Variants in EGFR observed in about 807,000 individuals in gnomAD.
EGFR encodes avian erythroblastic leukemia viral (v-erb-b) oncogene homolog.
In EGFR, 58 loss-of-function variants were observed where a neutral mutation model predicts 143.0. The ratio of observed to expected loss-of-function variants is 0.41; its 90% CI spans 0.33 to 0.50. The LOEUF is 0.50. EGFR is among the 20% of genes least tolerant of loss of function. EGFR has a pLI of 0.39. For missense variants in EGFR, 1,307 were observed against 1,579.0 expected (o/e 0.83, Z 2.92); for synonymous variants, 613 against 594.4 (o/e 1.03, Z -0.45).
intron 1 of EGFR, among the ~76,000 whole-genome samples, chr7:55,042,576 A>T (rs1410305078): frequency 1.3e-5 from 2 of 152,096 alleles, no homozygotes; most frequent in African/African-American, 4.8e-5. Context: ...TGTGGGAAAA[A>T]GTCTCCTCTG....
intron 1 of EGFR, among the ~76,000 whole-genome samples, chr7:55,030,002 A>G (rs1787158484): frequency 6.6e-6 from 1 of 152,204 alleles, no homozygotes; most frequent in African/African-American, 2.4e-5. Flanking sequence ...CAATGCCTTA[A>G]CATTCTTCTC....
At chr7:55,026,602 C>G (rs908841123) in intron 1 of EGFR, among the ~76,000 whole-genome samples, 1 of 152,186 alleles carries the variant, frequency 6.6e-6, no homozygotes, top group Non-Finnish European at 1.5e-5. Context: ...CGAGATAACC[C>G]CCCTCCAGCA....
At chr7:55,047,793 C>G (rs77627272) in intron 1 of EGFR, among the ~76,000 whole-genome samples, 182 of 152,252 alleles carry the variant, frequency 1.2e-3, no homozygotes, top group African/African-American at 4.2e-3. Flanking sequence ...GGCCAAAGAA[C>G]TCTGTGTGCT....
intron 15 of EGFR, 148 bp downstream of exon 15, chr7:55,165,585 T>C: frequency 9.1e-7 from 1 of 1,099,746 alleles, no homozygotes; most frequent in African/African-American, 1.6e-5. Context: ...GCCATGCCAG[T>C]AGCAACTTGC....
chr7:55,103,819 TG>T (rs1483040734), intron 1 of EGFR, among the ~76,000 whole-genome samples: 1 of 152,250 alleles, frequency 6.6e-6, no homozygotes, highest in Non-Finnish European at 1.5e-5. Context: ...AGACATGACA[TG>T]TGACTATTCA....
intron 1 of EGFR, among the ~76,000 whole-genome samples, chr7:55,116,523 CA>C (rs762417398): frequency 8.2e-6 from 1 of 122,400 alleles, no homozygotes; most frequent in Non-Finnish European, 1.8e-5. Context: ...TAACTAAATT[CA>C]AAAAAAACAC....
intron 1 of EGFR, among the ~76,000 whole-genome samples, chr7:55,040,004 C>T (rs1376213244): frequency 6.6e-6 from 1 of 152,220 alleles, no homozygotes; most frequent in Non-Finnish European, 1.5e-5. Flanking sequence ...AGTTCTCTTA[C>T]TATACACTGA....
At chr7:55,195,984 G>A (rs569690465) in intron 22 of EGFR, among the ~76,000 whole-genome samples, 3 of 152,042 alleles carry the variant, frequency 2.0e-5, no homozygotes, top group South Asian at 2.1e-4. Flanking sequence ...GTGAAAATAC[G>A]CATGCATATG....
chr7:55,092,472 A>G (rs963217515), intron 1 of EGFR, among the ~76,000 whole-genome samples: 2 of 152,174 alleles, frequency 1.3e-5, no homozygotes, highest in African/African-American at 4.8e-5. Flanking sequence ...GGGCACTTGC[A>G]ATCAAAACTA....
chr7:55,165,491 T>A (rs2128946672), intron 15 of EGFR, 54 bp downstream of exon 15: 1 of 1,566,092 alleles, frequency 6.4e-7, no homozygotes, highest in Admixed American at 1.9e-5. Context: ...AATTCAGAGA[T>A]CAAAAATGTC....
chr7:55,093,058 A>G (rs1325633371), intron 1 of EGFR, among the ~76,000 whole-genome samples: 2 of 152,348 alleles, frequency 1.3e-5, no homozygotes, highest in South Asian at 2.1e-4. Context: ...GAGCCTTTCT[A>G]TTTTAATCAA....
chr7:55,108,706 A>C (rs893359050), intron 1 of EGFR, among the ~76,000 whole-genome samples: 1 of 152,162 alleles, frequency 6.6e-6, no homozygotes, highest in African/African-American at 2.4e-5. Flanking sequence ...TCCAAACCAA[A>C]ATTCGATTTA....
intron 1 of EGFR, among the ~76,000 whole-genome samples, chr7:55,072,556 C>T (rs1789894332): frequency 6.6e-6 from 1 of 152,294 alleles, no homozygotes; most frequent in Admixed American, 6.5e-5. Flanking sequence ...TGATGCCGTT[C>T]CCTTTTTTAG....
At chr7:55,170,617 C>T (rs1195896194) in intron 15 of EGFR, 6 of 1,604,016 alleles carry the variant, frequency 3.7e-6, no homozygotes, top group East Asian at 4.5e-5. Context: ...CGCCAGGTTC[C>T]CAAGAGTATC....
chr7:55,112,181 C>T (rs960717106), intron 1 of EGFR, among the ~76,000 whole-genome samples: 12 of 152,226 alleles, frequency 7.9e-5, no homozygotes, highest in South Asian at 2.1e-4. Context: ...GTTCTGCAGT[C>T]GGCGTCTCAC....
chr7:55,145,321 A>G (rs1308064490), intron 3 of EGFR, among the ~76,000 whole-genome samples: 1 of 152,142 alleles, frequency 6.6e-6, no homozygotes, highest in African/African-American at 2.4e-5. Context: ...CCACCTGTGC[A>G]TGGCTTTTTC....
chr7:55,187,831 C>A (rs915380419), intron 20 of EGFR, among the ~76,000 whole-genome samples: 2 of 152,186 alleles, frequency 1.3e-5, no homozygotes, highest in Non-Finnish European at 2.9e-5. Flanking sequence ...CTGCCCTCCC[C>A]ACCAGCACCC....
intron 2 of EGFR, among the ~76,000 whole-genome samples, chr7:55,142,674 T>A (rs1794528470): frequency 6.6e-6 from 1 of 152,252 alleles, no homozygotes; most frequent in Admixed American, 6.5e-5. Context: ...TCATAGACAC[T>A]GACGTTTATC....
Position 55,072,877 on chromosome 7 carries a change from C to T in EGFR, c.88+53512C>T, listed in dbSNP as rs115156006. 4.1e-3 allele frequency among the ~76,000 whole-genome samples: 617 copies of T among 152,322 alleles called. 7 individuals carry two copies. The highest frequency in any genetic ancestry group is 0.013 in the African/African-American group (561 of 41,568). On this transcript the variant is annotated intron_variant, in intron 1 of 27. Coordinates refer to ENST00000275493, the MANE Select transcript of EGFR (RefSeq NM_005228.5). ...TTTCTAAAATGCCATACACAAAGGA[C>T]TTTCATGATTTCTTTTTAGGTACAT...
Sources: allele counts gnomAD v4.1 joint callset (sites outside exome capture counted in the v4.1 genomes callset), GRCh38; gene constraint gnomAD v4.1.1; transcripts MANE v1.5; gene names NCBI Gene and HGNC (gene_info 2026-07-23, HGNC 2026-07-21).